Variants in SNTG2 observed in about 807,000 individuals in gnomAD.
SNTG2 encodes the protein syntrophin gamma 2, also known as gamma-2-syntrophin.
SNTG2 carries 74 observed loss-of-function variants against 70.9 expected under a neutral mutation model. The observed-to-expected ratio is 1.04, with a 90% CI of 0.86 to 1.27. The LOEUF (loss-of-function observed/expected upper bound fraction) is 1.27, where lower values mean the gene tolerates loss of function less well. Ranked by LOEUF, SNTG2 falls within the 50% of genes most tolerant of loss-of-function variation. SNTG2 has a pLI of 0.00. For missense variants in SNTG2, 717 were observed against 690.7 expected (o/e 1.04, Z -0.43); for synonymous variants, 278 against 273.8 (o/e 1.02, Z -0.15).
intron 1 of SNTG2, among the ~76,000 whole-genome samples, chr2:956,769 A>G (rs1334041360): frequency 1.3e-5 from 2 of 152,248 alleles, no homozygotes; most frequent in Non-Finnish European, 2.9e-5. Context: ...ATAAGTATAT[A>G]TCTGAATTAG....
At chr2:1,314,180 A>T (rs1263877507) in intron 15 of SNTG2, among the ~76,000 whole-genome samples, 1 of 152,178 alleles carries the variant, frequency 6.6e-6, no homozygotes, top group South Asian at 2.1e-4. Flanking sequence ...CTTCAAAATC[A>T]AATTTGAACC....
intron 9 of SNTG2, 48 bp downstream of exon 9, chr2:1,209,278 C>G (rs779872852): frequency 1.9e-6 from 3 of 1,610,626 alleles, no homozygotes; most frequent in Admixed American, 3.3e-5. Context: ...ACCCCGTGCA[C>G]TTTTGCCAGT....
intron 1 of SNTG2, among the ~76,000 whole-genome samples, chr2:1,027,358 G>A (rs1221379497): frequency 6.6e-6 from 1 of 151,174 alleles, no homozygotes; most frequent in Non-Finnish European, 1.5e-5. Flanking sequence ...TTGAAGGTGT[G>A]TCTGACCCAC....
chr2:984,094 C>T (rs933701977), intron 1 of SNTG2, among the ~76,000 whole-genome samples: 4 of 152,148 alleles, frequency 2.6e-5, no homozygotes, highest in Non-Finnish European at 5.9e-5. Context: ...GTGGCAGGAG[C>T]TCTGTGAGCC....
chr2:1,151,716 G>T (rs529232705), intron 6 of SNTG2, among the ~76,000 whole-genome samples: 1 of 152,128 alleles, frequency 6.6e-6, no homozygotes, highest in African/African-American at 2.4e-5. Flanking sequence ...CGTGCGTGCC[G>T]TGCTTCTCAT....
intron 14 of SNTG2, among the ~76,000 whole-genome samples, chr2:1,271,101 A>C (rs1572898909): frequency 6.6e-6 from 1 of 152,178 alleles, no homozygotes; most frequent in Non-Finnish European, 1.5e-5. Flanking sequence ...CTGCCTTATC[A>C]ACATTATTAC....
chr2:1,302,145 G>T (rs1048958268), intron 14 of SNTG2, among the ~76,000 whole-genome samples: 1 of 152,034 alleles, frequency 6.6e-6, no homozygotes, highest in African/African-American at 2.4e-5. Context: ...GTATTTAGTA[G>T]AGACAGGGTT....
intron 10 of SNTG2, among the ~76,000 whole-genome samples, chr2:1,238,446 G>A (rs1676829171): frequency 1.3e-5 from 2 of 152,158 alleles, no homozygotes; most frequent in South Asian, 4.1e-4. Context: ...TTTAGAAAAA[G>A]GCATAATTGA....
At chr2:1,336,003 G>A (rs961857448) in intron 16 of SNTG2, among the ~76,000 whole-genome samples, 4 of 152,208 alleles carry the variant, frequency 2.6e-5, no homozygotes, top group East Asian at 1.9e-4. Flanking sequence ...GGAAGGGACC[G>A]TCCCCATTAT....
intron 2 of SNTG2, among the ~76,000 whole-genome samples, chr2:1,092,281 C>G (rs1243676556): frequency 6.6e-6 from 1 of 152,044 alleles, no homozygotes; most frequent in Non-Finnish European, 1.5e-5. Flanking sequence ...TTTTCTAGGT[C>G]CCTCGCCTTT....
intron 15 of SNTG2, among the ~76,000 whole-genome samples, chr2:1,312,763 C>A (rs1681070209): frequency 6.6e-6 from 1 of 152,202 alleles, no homozygotes; most frequent in Non-Finnish European, 1.5e-5. Flanking sequence ...TGTCCTGGTG[C>A]TGTCCTGGCC....
At chr2:1,145,532 A>G (rs1450143046) in intron 6 of SNTG2, among the ~76,000 whole-genome samples, 2 of 152,240 alleles carry the variant, frequency 1.3e-5, no homozygotes, top group African/African-American at 2.4e-5. Flanking sequence ...AGATTGGCCT[A>G]CATCTATTAA....
At chr2:1,152,045 A>G (rs1179543380) in intron 6 of SNTG2, among the ~76,000 whole-genome samples, 1 of 152,170 alleles carries the variant, frequency 6.6e-6, no homozygotes, top group Admixed American at 6.5e-5. Context: ...CTAACCACAT[A>G]ATAGAATTTT....
At chr2:1,351,023 G>A (rs748006302) in intron 16 of SNTG2, among the ~76,000 whole-genome samples, 25 of 151,752 alleles carry the variant, frequency 1.6e-4, no homozygotes, top group South Asian at 4.2e-4. Context: ...ATCTCCCCAC[G>A]AAATTGACCT....
intron 1 of SNTG2, among the ~76,000 whole-genome samples, chr2:1,041,295 C>A (rs1661421604): frequency 6.6e-6 from 1 of 152,080 alleles, no homozygotes; most frequent in African/African-American, 2.4e-5. Context: ...TTTGCTAAGC[C>A]CCAACAGTCA....
chr2:1,233,575 C>T (rs1013872289), intron 9 of SNTG2, among the ~76,000 whole-genome samples: 8 of 152,108 alleles, frequency 5.3e-5, no homozygotes, highest in Non-Finnish European at 1.2e-4. Context: ...CAGTCAAGAG[C>T]GCAGGAAGAA....
chr2:1,136,882 G>A (rs1668419636), intron 4 of SNTG2, among the ~76,000 whole-genome samples: 1 of 152,170 alleles, frequency 6.6e-6, no homozygotes, highest in South Asian at 2.1e-4. Context: ...AGGTACAGTT[G>A]TTTTGATCAG....
chr2:1,289,952 G>A (rs759558482), intron 14 of SNTG2, among the ~76,000 whole-genome samples: 8 of 152,172 alleles, frequency 5.3e-5, no homozygotes, highest in African/African-American at 7.2e-5. Flanking sequence ...CCCTGTTGTA[G>A]CATGTCAGAA....
At chr2:1,261,098 AAAT>A (rs2148168288) in intron 13 of SNTG2, among the ~76,000 whole-genome samples, 1 of 152,314 alleles carries the variant, frequency 6.6e-6, no homozygotes, top group East Asian at 1.9e-4. Flanking sequence ...AAAATGGGGT[AAAT>A]AATAATAAAT....
Sources: allele counts gnomAD v4.1 joint callset (sites outside exome capture counted in the v4.1 genomes callset), GRCh38; gene constraint gnomAD v4.1.1; transcripts MANE v1.5; gene names NCBI Gene and HGNC (gene_info 2026-07-23, HGNC 2026-07-21).